The following CCDC171 variants were observed in gnomAD, a reference collection of about 807,000 sequenced individuals.
CCDC171 encodes the protein coiled-coil domain-containing protein 171.
A neutral mutation model predicts 168.2 loss-of-function variants in CCDC171; 177 were observed. The ratio of observed to expected loss-of-function variants is 1.05; its 90% CI spans 0.93 to 1.19. The LOEUF (loss-of-function observed/expected upper bound fraction) is 1.19. Among genes scored for constraint, CCDC171 ranks in the 50% most tolerant of loss-of-function variants. The probability of loss-of-function intolerance (pLI) is 0.00; values close to 1 mark genes in which losing one functional copy is unlikely to be tolerated. For missense variants in CCDC171, 1,991 were observed against 1,539.0 expected, an observed-to-expected ratio of 1.29 and a Z score of -4.91; for synonymous variants, 687 against 540.8, an observed-to-expected ratio of 1.27 and a Z score of -3.75.
upstream of CCDC171, among the ~76,000 whole-genome samples, chr9:16,039,201 G>C (rs1004722100): frequency 6.6e-6 from 1 of 152,136 alleles, no homozygotes; most frequent in Non-Finnish European, 1.5e-5. Context: ...CAAATTTTCC[G>C]TAGTAAACTC....
At chr9:16,013,226 C>T (rs140405232) in intron 3 of CCDC171, among the ~76,000 whole-genome samples, 133 of 152,266 alleles carry the variant, frequency 8.7e-4, no homozygotes, top group African/African-American at 3.0e-3. Context: ...CTTGAGGATT[C>T]CTCCTGCCTC....
chr9:15,597,945 A>G (rs951073803), intron 6 of CCDC171, among the ~76,000 whole-genome samples: 1 of 152,134 alleles, frequency 6.6e-6, no homozygotes, highest in Non-Finnish European at 1.5e-5. Context: ...AGGTGTTTAT[A>G]GTATTCTCTG....
At chr9:15,590,789 CTTTCTTTCTT>C (rs1227171602) in intron 4 of CCDC171, among the ~76,000 whole-genome samples, 3 of 133,160 alleles carry the variant, frequency 2.3e-5, no homozygotes, top group Non-Finnish European at 4.9e-5. Context: ...TTCTTTCTTT[CTTTCTTTCTT>C]TCTTTCTTTC....
chr9:15,901,980 G>A (rs946253129), intron 24 of CCDC171, among the ~76,000 whole-genome samples: 1 of 152,110 alleles, frequency 6.6e-6, no homozygotes, highest in African/African-American at 2.4e-5. Flanking sequence ...TCTTGAACTT[G>A]TGTAAGAATT....
chr9:15,760,823 C>T (rs892848053), intron 18 of CCDC171, among the ~76,000 whole-genome samples: 1 of 152,074 alleles, frequency 6.6e-6, no homozygotes, highest in African/African-American at 2.4e-5. Context: ...TTTCATGTTG[C>T]CTCTGTAAAT....
At chr9:16,084,307 C>A in the CCDC171 span, among the ~76,000 whole-genome samples, 4 of 152,106 alleles carry the variant, frequency 2.6e-5, no homozygotes, top group Non-Finnish European at 4.4e-5. Context: ...TGGCTGCCTG[C>A]CTTCCCTGTA....
chr9:15,902,826 T>G (rs946614768), intron 24 of CCDC171, among the ~76,000 whole-genome samples: 1 of 152,144 alleles, frequency 6.6e-6, no homozygotes, highest in African/African-American at 2.4e-5. Context: ...ATTGGGTCAC[T>G]CCCACCCTAA....
chr9:15,788,810 C>A (rs2058100858), intron 21 of CCDC171, among the ~76,000 whole-genome samples: 1 of 152,148 alleles, frequency 6.6e-6, no homozygotes, highest in South Asian at 2.1e-4. Flanking sequence ...GTCTTGGCCT[C>A]CCAAAGTGCT....
intron 6 of CCDC171, among the ~76,000 whole-genome samples, chr9:15,603,126 C>A: frequency 6.6e-6 from 1 of 152,012 alleles, no homozygotes; most frequent in East Asian, 1.9e-4. Context: ...GGCCTACAGG[C>A]GCCCGTCACC....
intron 24 of CCDC171, among the ~76,000 whole-genome samples, chr9:15,894,113 C>T (rs998961486): frequency 1.3e-5 from 2 of 152,106 alleles, no homozygotes; most frequent in African/African-American, 4.8e-5. Context: ...AGAACGAGGT[C>T]GTGTTCTTTG....
chr9:16,079,075 G>A, the CCDC171 span, among the ~76,000 whole-genome samples: 1 of 152,170 alleles, frequency 6.6e-6, no homozygotes, highest in Non-Finnish European at 1.5e-5. Context: ...TAAGTTCCTG[G>A]ATTAAGAAAT....
intron 21 of CCDC171, among the ~76,000 whole-genome samples, chr9:15,839,805 C>A (rs1445323516): frequency 2.0e-5 from 3 of 152,026 alleles, no homozygotes; most frequent in Non-Finnish European, 4.4e-5. Context: ...GAATTTTTTC[C>A]CCCATGGACA....
chr9:15,717,850 C>T (rs1002089851), intron 11 of CCDC171, among the ~76,000 whole-genome samples: 7 of 152,192 alleles, frequency 4.6e-5, no homozygotes, highest in African/African-American at 9.7e-5. Flanking sequence ...GTAGTACACA[C>T]GGACCTTTGG....
At chr9:15,843,155 A>C (rs1292268667) in intron 21 of CCDC171, among the ~76,000 whole-genome samples, 2 of 152,018 alleles carry the variant, frequency 1.3e-5, no homozygotes, top group African/African-American at 2.4e-5. Flanking sequence ...CTTAACAGAG[A>C]AAATGAAGGT....
intron 25 of CCDC171, among the ~76,000 whole-genome samples, chr9:15,955,783 A>AT (rs1214273570): frequency 6.6e-6 from 1 of 152,078 alleles, no homozygotes; most frequent in African/African-American, 2.4e-5. Flanking sequence ...ATTATATTAC[A>AT]TTTTTAATAA....
At chr9:16,078,502 G>A in the CCDC171 span, among the ~76,000 whole-genome samples, 1 of 152,220 alleles carries the variant, frequency 6.6e-6, no homozygotes, top group African/African-American at 2.4e-5. Context: ...TGAGCAGGAA[G>A]TCCACTTGGC....
At chr9:15,821,957 A>T (rs188776527) in intron 21 of CCDC171, among the ~76,000 whole-genome samples, 2 of 152,168 alleles carry the variant, frequency 1.3e-5, no homozygotes, top group Non-Finnish European at 2.9e-5. Context: ...CAGTAACCAA[A>T]ACACCATGGT....
At chr9:15,782,411 G>C (rs193274965) in intron 20 of CCDC171, among the ~76,000 whole-genome samples, 548 of 152,176 alleles carry the variant, frequency 3.6e-3, no homozygotes, top group Non-Finnish European at 7.1e-3. Context: ...CTTTACAGAG[G>C]AATAAACAGA....
At chr9:15,834,387 C>G (rs933178427) in intron 21 of CCDC171, among the ~76,000 whole-genome samples, 1 of 152,108 alleles carries the variant, frequency 6.6e-6, no homozygotes, top group African/African-American at 2.4e-5. Context: ...GATATGTATT[C>G]TAAATCATTA....
Sources: allele counts gnomAD v4.1 joint callset (sites outside exome capture counted in the v4.1 genomes callset), GRCh38; gene constraint gnomAD v4.1.1; transcripts MANE v1.5; gene names NCBI Gene and HGNC (gene_info 2026-07-23, HGNC 2026-07-21).